Variants in CDH8 observed in about 807,000 individuals in gnomAD.
CDH8 encodes the protein cadherin-8.
In CDH8, 17 loss-of-function variants were observed where a neutral mutation model predicts 68.1. That is an observed-to-expected ratio of 0.25 (90% CI 0.17 to 0.37). CDH8 has a LOEUF of 0.37. CDH8 is among the 10% of genes least tolerant of loss of function. CDH8 has a pLI of 1.00. For synonymous variants in CDH8, 372 were observed against 365.1 expected, an observed-to-expected ratio of 1.02 and a Z score of -0.21; for missense variants, 763 against 999.3, an observed-to-expected ratio of 0.76 and a Z score of 3.19.
intron 2 of CDH8, among the ~76,000 whole-genome samples, chr16:61,966,073 T>G (rs923250307): frequency 6.6e-6 from 1 of 152,206 alleles, no homozygotes; most frequent in Non-Finnish European, 1.5e-5. Flanking sequence ...TCATTGATTT[T>G]ATCGCAAAAA....
At chr16:61,679,964 T>C (rs1364800264) in intron 10 of CDH8, among the ~76,000 whole-genome samples, 1 of 151,986 alleles carries the variant, frequency 6.6e-6, no homozygotes, top group Non-Finnish European at 1.5e-5. Context: ...TTCATTCAAT[T>C]TTTGAATTTT....
chr16:61,755,969 T>A (rs1158670549), intron 8 of CDH8, among the ~76,000 whole-genome samples: 1 of 151,970 alleles, frequency 6.6e-6, no homozygotes, highest in African/African-American at 2.4e-5. Context: ...TACAAGCACA[T>A]ACAACCACGC....
chr16:61,670,368 A>T (rs1041814224), intron 10 of CDH8, among the ~76,000 whole-genome samples: 1 of 152,082 alleles, frequency 6.6e-6, no homozygotes, highest in Non-Finnish European at 1.5e-5. Context: ...GAATAAATAC[A>T]TAATAGGCAT....
intron 3 of CDH8, among the ~76,000 whole-genome samples, chr16:61,885,409 T>G (rs1232913991): frequency 6.6e-6 from 1 of 152,204 alleles, no homozygotes; most frequent in Non-Finnish European, 1.5e-5. Flanking sequence ...AGAATTACTA[T>G]CTATGTTCAT....
At chr16:61,779,200 T>C (rs1175217851) in intron 8 of CDH8, among the ~76,000 whole-genome samples, 2 of 152,150 alleles carry the variant, frequency 1.3e-5, no homozygotes, top group African/African-American at 4.8e-5. Flanking sequence ...TTCCACACCA[T>C]CACGTTCTCT....
At chr16:62,035,004 A>G (rs1320372800) in intron 1 of CDH8, 1 of 152,184 alleles carries the variant, frequency 6.6e-6, no homozygotes, top group African/African-American at 2.4e-5. Context: ...AACCGCAAGG[A>G]AACTTTGAGG....
intron 4 of CDH8, among the ~76,000 whole-genome samples, chr16:61,837,279 C>G (rs1019465062): frequency 6.6e-6 from 1 of 151,900 alleles, no homozygotes; most frequent in Non-Finnish European, 1.5e-5. Flanking sequence ...TTATAATCAC[C>G]GGTTCTCATT....
chr16:61,673,259 C>G (rs1043401939), intron 10 of CDH8, among the ~76,000 whole-genome samples: 1 of 152,018 alleles, frequency 6.6e-6, no homozygotes, highest in African/African-American at 2.4e-5. Flanking sequence ...GAGGCCTCTC[C>G]TTTTCTTCCT....
At chr16:61,926,677 T>G (rs1964461629) in intron 2 of CDH8, among the ~76,000 whole-genome samples, 1 of 152,220 alleles carries the variant, frequency 6.6e-6, no homozygotes, top group African/African-American at 2.4e-5. Flanking sequence ...GAGGCACTGT[T>G]AAAGGATTCA....
chr16:61,830,624 C>T (rs1271426853), intron 4 of CDH8, among the ~76,000 whole-genome samples: 1 of 151,736 alleles, frequency 6.6e-6, no homozygotes, highest in Non-Finnish European at 1.5e-5. Context: ...GTCCATGTCC[C>T]TAGCATGCTT....
Position 62,021,316 on chromosome 16 carries a change from C to A in CDH8, c.88G>T (p.Ala30Ser). Residue 30 changes from alanine to serine, a missense_variant, in exon 2 of 12, where the codon GCT (alanine) becomes TCT (serine). By Grantham distance (99) the Ala-to-Ser change is moderately conservative. Transcript: ENST00000577390. ...AAAACTTGAGACTGATTCATCGGAG[C>A]CATGTAAATGCAAGGGGGAAGAGTA... The part of the protein sequence containing the change: ...WITLPPCIYM[A>S]PMNQSQVLMS... 6.2e-7 allele frequency: 1 copy of A among 1,613,964 alleles called. No homozygotes were observed. Among genetic ancestry groups the A allele is most frequent in the Non-Finnish European group, 8.5e-7 (1 of 1,179,940 alleles).
At chr16:61,812,988 G>T (rs962305128) in intron 7 of CDH8, among the ~76,000 whole-genome samples, 1 of 152,106 alleles carries the variant, frequency 6.6e-6, no homozygotes, top group Non-Finnish European at 1.5e-5. Context: ...GCTTAGTATG[G>T]TGTCGGATTC....
At chr16:61,900,011 G>A (rs760471300) in intron 3 of CDH8, among the ~76,000 whole-genome samples, 4 of 152,136 alleles carry the variant, frequency 2.6e-5, no homozygotes, top group Admixed American at 6.6e-5. Context: ...CTAAAGTGAA[G>A]ATGTTATTGA....
intron 8 of CDH8, among the ~76,000 whole-genome samples, chr16:61,741,023 A>T (rs1959860552): frequency 6.6e-6 from 1 of 152,184 alleles, no homozygotes; most frequent in South Asian, 2.1e-4. Flanking sequence ...CTAAAGATCA[A>T]GCTGCTGCAT....
intron 2 of CDH8, among the ~76,000 whole-genome samples, chr16:61,988,913 T>A (rs1330853431): frequency 6.6e-6 from 1 of 152,066 alleles, no homozygotes; most frequent in Non-Finnish European, 1.5e-5. Context: ...ACACACGAGA[T>A]CACTGCATCA....
At chr16:61,808,479 AG>A (rs1961857065) in intron 7 of CDH8, among the ~76,000 whole-genome samples, 1 of 152,174 alleles carries the variant, frequency 6.6e-6, no homozygotes, top group Admixed American at 6.6e-5. Flanking sequence ...TTTCCTCAAA[AG>A]CTAGGCTGAG....
At chr16:62,026,827 C>T (rs560464550) in intron 1 of CDH8, among the ~76,000 whole-genome samples, 10 of 152,194 alleles carry the variant, frequency 6.6e-5, no homozygotes, top group Non-Finnish European at 1.2e-4. Flanking sequence ...TGTACCTCTG[C>T]CATGGGCAGA....
Position 61,652,483 on chromosome 16 carries a change from G to A in CDH8, c.*1125C>T. 1.0e-6 allele frequency: 1 copy of A among 993,796 alleles called. No homozygotes were observed. The highest frequency in any genetic ancestry group is 1.2e-6 in the Non-Finnish European group (1 of 835,566). The allele number at this position is 993,796 out of a possible 1,614,324, so 61.6% of individuals were successfully genotyped here. A position where few individuals can be genotyped will look rare whatever the true frequency, so the allele number is the denominator to read the frequency against. ...AGGATTATGAACAAAATAGAAAACA[G>A]TCCAAAAGTTTGTCTGGGAAGATGC... On this transcript the variant is annotated 3_prime_UTR_variant, in exon 12 of 12. Coordinates refer to ENST00000577390, the MANE Select transcript of CDH8 (RefSeq NM_001796.5).
intron 10 of CDH8, chr16:61,691,744 A>G (rs1171201551): frequency 1.3e-5 from 2 of 152,042 alleles, no homozygotes; most frequent in East Asian, 1.9e-4. Context: ...AAAAAAAAGT[A>G]TACAAGGCAG....
Sources: allele counts gnomAD v4.1 joint callset (sites outside exome capture counted in the v4.1 genomes callset), GRCh38; gene constraint gnomAD v4.1.1; transcripts MANE v1.5; gene names NCBI Gene and HGNC (gene_info 2026-07-23, HGNC 2026-07-21).